The following ZNF613 variants were observed in gnomAD, a reference collection of about 807,000 sequenced individuals.
ZNF613 encodes the protein zinc finger protein 613.
A neutral mutation model predicts 14.3 loss-of-function variants in ZNF613; 8 were observed. That is an observed-to-expected ratio of 0.56 (90% CI 0.33 to 1.01). ZNF613 has a LOEUF of 1.01. Ranked by LOEUF, ZNF613 falls within the 50% of genes least tolerant of loss-of-function variation. The pLI is 0.03. For synonymous variants in ZNF613, 228 were observed against 254.5 expected (o/e 0.90, Z 0.99); for missense variants, 656 against 741.9 (o/e 0.88, Z 1.35).
At chr19:51,938,033 G>A (rs1006442948) in intron 3 of ZNF613, among the ~76,000 whole-genome samples, 7 of 151,788 alleles carry the variant, frequency 4.6e-5, no homozygotes, top group South Asian at 4.2e-4. Flanking sequence ...GCCTGGCCCC[G>A]AATATAAATG....
At chr19:51,936,732 C>G (rs917821361) in intron 3 of ZNF613, among the ~76,000 whole-genome samples, 6 of 152,146 alleles carry the variant, frequency 3.9e-5, no homozygotes, top group African/African-American at 1.4e-4. Flanking sequence ...CAATCTGTCT[C>G]CCTTGGCCTC....
At position 51,945,335 on chromosome 19, in the gene ZNF613, T is replaced by C. The variant is rs2085390074; in HGVS notation, c.1452T>C (p.Tyr484=). 2.5e-6 allele frequency: 4 copies of C among 1,614,034 alleles called. No homozygotes were observed. Among genetic ancestry groups the C allele is most frequent in the African/African-American group, 1.3e-5 (1 of 74,920 alleles). Residue 484 remains tyrosine (Y), a synonymous_variant, in exon 6 of 6, where the codon TAT becomes TAC. Transcript: ENST00000293471. ...HQRIHTGEKP[Y]TCSDCGKAFR... ...GAATTCACACAGGAGAGAAACCCTA[T>C]ACATGCAGTGACTGTGGGAAAGCTT...
chr19:51,942,976 C>T (rs1460495667), intron 5 of ZNF613, among the ~76,000 whole-genome samples: 3 of 152,088 alleles, frequency 2.0e-5, no homozygotes, highest in Non-Finnish European at 2.9e-5. Context: ...GGATTACAGG[C>T]GTGAGCCACT....
chr19:51,934,060 A>G (rs1381938973), intron 2 of ZNF613, among the ~76,000 whole-genome samples: 3 of 152,142 alleles, frequency 2.0e-5, no homozygotes, highest in Admixed American at 6.5e-5. Flanking sequence ...CAGCCTCCCA[A>G]AGTGCTGGGA....
At chr19:51,929,253 A>G (rs1231904019) in intron 1 of ZNF613, among the ~76,000 whole-genome samples, 1 of 152,194 alleles carries the variant, frequency 6.6e-6, no homozygotes, top group African/African-American at 2.4e-5. Context: ...TATACCATCA[A>G]GAGGCAAAAC....
intron 2 of ZNF613, among the ~76,000 whole-genome samples, chr19:51,933,220 T>C (rs927427701): frequency 6.6e-6 from 1 of 152,208 alleles, no homozygotes; most frequent in Non-Finnish European, 1.5e-5. Flanking sequence ...ACGAGTGCTT[T>C]TGAATGGTAT....
At chr19:51,932,486 C>T (rs28793691) in intron 2 of ZNF613, among the ~76,000 whole-genome samples, 1,740 of 148,246 alleles carry the variant, frequency 0.012, 34 homozygotes, top group African/African-American at 0.04. Flanking sequence ...TTGTAGAGAC[C>T]GGGTTTCTCC....
At chr19:51,942,726 GTCTC>G (rs1306682290) in intron 5 of ZNF613, 6 of 149,116 alleles carry the variant, frequency 4.0e-5, no homozygotes, top group African/African-American at 1.0e-4. Flanking sequence ...TTGGCACAGA[GTCTC>G]TCTCTGTCTC....
At chr19:51,942,682 G>A (rs1457038502) in intron 5 of ZNF613, 1 of 151,584 alleles carries the variant, frequency 6.6e-6, no homozygotes, top group African/African-American at 2.4e-5. Context: ...GACCTTTCAA[G>A]GACATTTTAA....
intron 2 of ZNF613, among the ~76,000 whole-genome samples, chr19:51,934,487 A>G (rs2085291012): frequency 6.6e-6 from 1 of 152,224 alleles, no homozygotes; most frequent in African/African-American, 2.4e-5. Context: ...GTACATATTG[A>G]AAAATAATAC....
intron 3 of ZNF613, among the ~76,000 whole-genome samples, chr19:51,937,812 C>G (rs1370759640): frequency 6.6e-6 from 1 of 150,952 alleles, no homozygotes; most frequent in Non-Finnish European, 1.5e-5. Flanking sequence ...CTACCACAAC[C>G]TCTGCCTCCC....
At chr19:51,941,032 C>T (rs533453550) in intron 5 of ZNF613, among the ~76,000 whole-genome samples, 5 of 152,128 alleles carry the variant, frequency 3.3e-5, no homozygotes, top group Non-Finnish European at 5.9e-5. Context: ...CCAGTTCAAG[C>T]GATTCTCCTG....
At chr19:51,936,896 C>T (rs1422255660) in intron 3 of ZNF613, among the ~76,000 whole-genome samples, 1 of 152,144 alleles carries the variant, frequency 6.6e-6, no homozygotes, top group Non-Finnish European at 1.5e-5. Context: ...TTCAGTACTA[C>T]CTCTAATCTC....
rs779307411 is a variant in ZNF613 at position 51,944,134 on chromosome 19, A to T, written c.251A>T (p.Asp84Val). The change falls in exon 6 of 6, where the codon GAC (aspartate) becomes GTC (valine). Residue 84 changes from aspartate (D) to valine (V), a missense_variant. By Grantham distance (152) the Asp-to-Val change is radical. Coordinates refer to ENST00000293471, the MANE Select transcript of ZNF613 (RefSeq NM_001031721.4). ...SQICPEIKKVDNHLQMHSQKQ... is the reference protein window; with the variant it reads ...SQICPEIKKVVNHLQMHSQKQ... ...TCTTTCCTAGAAATCAAGAAAGTTG[A>T]CAATCATCTACAGATGCACTCACAA... is the stretch of plus-strand genomic sequence containing the variant. 6.5e-7 allele frequency: 1 copy of T among 1,528,526 alleles called. No homozygotes were observed. Among genetic ancestry groups the T allele is most frequent in the Non-Finnish European group, 8.8e-7 (1 of 1,140,060 alleles). 94.7% of individuals were successfully genotyped at this position (1,528,526 alleles called of 1,614,324 possible). A position where few individuals can be genotyped will look rare whatever the true frequency, so the allele number is the denominator to read the frequency against.
intron 3 of ZNF613, among the ~76,000 whole-genome samples, chr19:51,939,215 G>A (rs2085328482): frequency 6.6e-6 from 1 of 151,814 alleles, no homozygotes; most frequent in South Asian, 2.1e-4. Flanking sequence ...CAGTTATGCT[G>A]CTTACACGCC....
In ZNF613 at chr19:51,943,954, A is replaced by C. The variant is rs182227860; in HGVS notation, c.236-165A>C. 1.0e-3 allele frequency among the ~76,000 whole-genome samples: 157 copies of C among 152,284 alleles called. No homozygotes were observed. Among genetic ancestry groups the C allele is most frequent in the Middle Eastern group, 3.4e-3 (1 of 294 alleles). The stretch of plus-strand genomic sequence containing the variant: ...CTTTTATTTTTTGTTTTCTTTGTTT[A>C]AATTATAATGGTTTATTCTTGTCCA... On this transcript the variant is annotated intron_variant, in intron 5 of 5. Transcript: ENST00000293471.
chr19:51,941,484 C>T (rs1055389511), intron 5 of ZNF613, among the ~76,000 whole-genome samples: 1 of 152,044 alleles, frequency 6.6e-6, no homozygotes, highest in Non-Finnish European at 1.5e-5. Context: ...AAAGGTCTTC[C>T]CACCCTATCT....
intron 5 of ZNF613, among the ~76,000 whole-genome samples, chr19:51,942,133 T>C (rs8113308): frequency 0.23 from 35,040 of 152,162 alleles, 5,656 homozygotes; most frequent in African/African-American, 0.46. Flanking sequence ...ACAGAGTTTG[T>C]TTTCCTTTTC....
Position 51,944,179 on chromosome 19 carries a change from G to C in ZNF613, c.296G>C (p.Arg99Thr). 6.3e-7 allele frequency: 1 copy of C among 1,586,342 alleles called. No individual in the cohort carries two copies. Among genetic ancestry groups the C allele is most frequent in the African/African-American group, 1.4e-5 (1 of 73,898 alleles). ...MHSQKQRCLK[R>T]VEQCHKHNAF... ...TCACAAAAGCAAAGATGTCTGAAGA[G>C]AGTGGAACAATGCCATAAACATAAT... Residue 99 changes from arginine (R) to threonine (T), a missense_variant, in exon 6 of 6, where the codon AGA becomes ACA. Coordinates refer to ENST00000293471, the MANE Select transcript of ZNF613 (RefSeq NM_001031721.4).
Sources: allele counts gnomAD v4.1 joint callset (sites outside exome capture counted in the v4.1 genomes callset), GRCh38; gene constraint gnomAD v4.1.1; transcripts MANE v1.5; gene names NCBI Gene and HGNC (gene_info 2026-07-23, HGNC 2026-07-21).